Variants in MYH13 observed in about 807,000 individuals in gnomAD.
MYH13 encodes myosin-13.
In MYH13, 177 loss-of-function variants were observed where a neutral mutation model predicts 232.1. That is an observed-to-expected ratio of 0.76 (90% CI 0.67 to 0.86). MYH13 has a LOEUF of 0.86. MYH13 is among the 40% of genes least tolerant of loss of function. The pLI is 0.00. For synonymous variants in MYH13, 884 were observed against 923.5 expected, an observed-to-expected ratio of 0.96 and a Z score of 0.78; for missense variants, 2,246 against 2,405.9, an observed-to-expected ratio of 0.93 and a Z score of 1.39.
intron 21 of MYH13, among the ~76,000 whole-genome samples, chr17:10,328,971 A>G (rs1597380145): frequency 1.3e-5 from 2 of 151,934 alleles, no homozygotes; most frequent in African/African-American, 4.8e-5. Context: ...AGCCACCACA[A>G]CCAGCCTGTA....
chr17:10,338,449 G>A (rs2071592918), intron 18 of MYH13, among the ~76,000 whole-genome samples: 1 of 151,536 alleles, frequency 6.6e-6, no homozygotes, highest in Admixed American at 6.6e-5. Context: ...TGGCTATTGG[G>A]GATTTAAAGT....
At chr17:10,348,537 T>C (rs551001395) in intron 12 of MYH13, among the ~76,000 whole-genome samples, 3 of 152,226 alleles carry the variant, frequency 2.0e-5, no homozygotes, top group Non-Finnish European at 4.4e-5. Context: ...ATTGATATCA[T>C]TGGAGCACTG....
intron 27 of MYH13, chr17:10,317,390 A>G (rs1379525159): frequency 6.5e-6 from 1 of 152,758 alleles, no homozygotes. Flanking sequence ...AGAAGCAATC[A>G]AGGAGGCACA....
At chr17:10,346,635 A>T (rs1472339407) in intron 13 of MYH13, 45 bp downstream of exon 13, 1 of 1,478,492 alleles carries the variant, frequency 6.8e-7, no homozygotes, top group Non-Finnish European at 9.4e-7. Context: ...AATGGCTCAA[A>T]TAGCAAAAGA....
At chr17:10,303,119 ACCAGGATGGCGGGGACAC>A in intron 39 of MYH13, 59 bp downstream of exon 39, 1 of 1,336,836 alleles carries the variant, frequency 7.5e-7, no homozygotes. Flanking sequence ...GACTTTACCA[ACCAGGATGGCGGGGACAC>A]CCAGGATGCC....
chr17:10,312,887 G>T, intron 30 of MYH13, 130 bp from the exon 31 acceptor site: 1 of 1,194,522 alleles, frequency 8.4e-7, no homozygotes, highest in Non-Finnish European at 1.1e-6. Flanking sequence ...CTAGGATTTG[G>T]TGAGTGGGGA....
At chr17:10,332,343 G>C in intron 19 of MYH13, 121 bp from the exon 20 acceptor site, 1 of 1,310,776 alleles carries the variant, frequency 7.6e-7, no homozygotes, top group Non-Finnish European at 1.1e-6. Flanking sequence ...CTGTACAGCT[G>C]GTCTGGGAGA....
At position 10,322,154 on chromosome 17, in the gene MYH13, A is replaced by G. The variant is rs1013297522; in HGVS notation, c.2935-446T>C. ...ACGCCTGTAATCCCAGCACTTTGGG[A>G]GGCCGAGGCGGACGGATCATGAGGT... On this transcript the variant is annotated intron_variant, in intron 23 of 40. Transcript: ENST00000252172. 4.6e-5 allele frequency among the ~76,000 whole-genome samples: 7 copies of G among 152,118 alleles called. 1 individual carries two copies. Among genetic ancestry groups the G allele is most frequent in the Non-Finnish European group, 1.0e-4 (7 of 68,018 alleles).
Position 10,351,220 on chromosome 17 carries a change from C to CAA in MYH13, c.1006-528_1006-527dup, listed in dbSNP as rs761244522. On this transcript the variant is annotated intron_variant, in intron 11 of 40. Coordinates refer to ENST00000252172, the MANE Select transcript of MYH13 (RefSeq NM_003802.3). ...TGGGAGACAGAGTGAGACTCCATCT[C>CAA]AAAAAAAAAAAAAAAGAGAACTGAT... is the stretch of plus-strand genomic sequence containing the variant. 2.9e-4 allele frequency among the ~76,000 whole-genome samples: 21 copies of CAA among 72,720 alleles called. 2 individuals carry two copies. Among genetic ancestry groups the CAA allele is most frequent in the South Asian group, 1.0e-3 (2 of 1,956 alleles). The allele number at this position is 72,720 out of a possible 152,430, so 47.7% of individuals were successfully genotyped here.
At chr17:10,315,466 T>C (rs1464798005) in intron 29 of MYH13, among the ~76,000 whole-genome samples, 1 of 152,120 alleles carries the variant, frequency 6.6e-6, no homozygotes, top group Non-Finnish European at 1.5e-5. Context: ...TAATTTTTTT[T>C]TGTATTTTTA....
chr17:10,366,739 G>T (rs1264114142), intron 2 of MYH13, among the ~76,000 whole-genome samples: 2 of 152,126 alleles, frequency 1.3e-5, no homozygotes, highest in African/African-American at 2.4e-5. Context: ...TAGTGGGAAA[G>T]TTGAACATGT....
In MYH13 at chr17:10,324,231, A is replaced by C. The variant is rs1438063017; in HGVS notation, c.2725T>G (p.Cys909Gly). ...TENLMDAEER[C>G]EGLIKSKILL... Reference sequence around the variant, plus strand: ...ATCTTGCTTTTGATGAGTCCTTCACACCGTTCCTCAGCGTCCATCAGATTT... The same window carrying C: ...ATCTTGCTTTTGATGAGTCCTTCACCCCGTTCCTCAGCGTCCATCAGATTT... The change falls in exon 23 of 41, where the codon TGT (cysteine) becomes GGT (glycine). Residue 909 changes from cysteine (C) to glycine (G), a missense_variant. Coordinates refer to ENST00000252172, the MANE Select transcript of MYH13 (RefSeq NM_003802.3). 6.2e-7 allele frequency: 1 copy of C among 1,613,778 alleles called. No homozygotes were observed. Among genetic ancestry groups the C allele is most frequent in the South Asian group, 1.1e-5 (1 of 91,068 alleles).
chr17:10,370,408 C>T (rs564847873), intron 2 of MYH13, among the ~76,000 whole-genome samples: 2 of 152,358 alleles, frequency 1.3e-5, no homozygotes, highest in Admixed American at 1.3e-4. Flanking sequence ...CTGAGCACCA[C>T]CCTCTAGAGT....
At chr17:10,353,430 G>A (rs541726105) in intron 11 of MYH13, among the ~76,000 whole-genome samples, 1 of 152,318 alleles carries the variant, frequency 6.6e-6, no homozygotes, top group East Asian at 1.9e-4. Context: ...GTGTCTCTAG[G>A]ATGATGGACA....
chr17:10,344,419 G>A (rs2071644634), intron 15 of MYH13, among the ~76,000 whole-genome samples: 1 of 152,164 alleles, frequency 6.6e-6, no homozygotes, highest in South Asian at 2.1e-4. Flanking sequence ...AGTAATGTGA[G>A]TAATATTTTG....
intron 37 of MYH13, among the ~76,000 whole-genome samples, chr17:10,305,204 T>C (rs1264621187): frequency 6.6e-6 from 1 of 152,144 alleles, no homozygotes; most frequent in Non-Finnish European, 1.5e-5. Flanking sequence ...TGCCTCACCA[T>C]GGGAGGGGGA....
rs1197173164 is a variant in MYH13, at chr17:10,311,924, G to T, written c.4518C>A (p.Asn1506Lys). The change falls in exon 32 of 41, where the codon AAC (asparagine) becomes AAA (lysine). Residue 1506 changes from asparagine (N) to lysine (K), a missense_variant. By Grantham distance (94) the Asn-to-Lys change is moderately conservative. Coordinates refer to ENST00000252172, the MANE Select transcript of MYH13 (RefSeq NM_003802.3). ...GAGACAGCTCACCTTGCAGATTTTTGTTCTCTCGCCTCAGTGTCTCTAACT... is the reference window on the plus strand; with the variant it reads ...GAGACAGCTCACCTTGCAGATTTTTTTTCTCTCGCCTCAGTGTCTCTAACT... ...VDQLETLRRENKNLQEEISDL... is the reference protein window; with the variant it reads ...VDQLETLRREKKNLQEEISDL... 6.2e-6 allele frequency: 10 copies of T among 1,613,808 alleles called. No individual in the cohort carries two copies. Among genetic ancestry groups the T allele is most frequent in the Non-Finnish European group, 8.5e-6 (10 of 1,179,906 alleles).
chr17:10,356,644 A>G (rs941159543), intron 8 of MYH13, among the ~76,000 whole-genome samples: 1 of 152,248 alleles, frequency 6.6e-6, no homozygotes, highest in Non-Finnish European at 1.5e-5. Flanking sequence ...ACAAAAGTCA[A>G]GGCTCAGAGC....
rs772972370 is a variant in MYH13 at position 10,303,381 on chromosome 17, T to C, written c.5571+13A>G. The C allele has an allele frequency of 2.7e-5, 44 of 1,613,736 alleles. No homozygotes were observed. The highest frequency in any genetic ancestry group is 4.4e-5 in the South Asian group (4 of 91,084). ...CATACAGCATTCACTGAGGAGGTTTTTGGGACCCCTACCTGGTAAGTCATC... is the reference window on the plus strand; with the variant it reads ...CATACAGCATTCACTGAGGAGGTTTCTGGGACCCCTACCTGGTAAGTCATC... On this transcript the variant is annotated intron_variant, in intron 38 of 40. Transcript: ENST00000252172.
Sources: gnomAD v4.1 joint callset for allele counts (sites outside exome capture counted in the v4.1 genomes callset) on GRCh38, gnomAD v4.1.1 for gene constraint, MANE v1.5 for transcripts, NCBI Gene and HGNC (gene_info 2026-07-23, HGNC 2026-07-21) for gene names.